The following FBXO38 variants were observed in gnomAD, a reference collection of about 807,000 sequenced individuals.
The protein encoded by FBXO38 is F-box only protein 38.
Under a neutral mutation model 131.9 loss-of-function variants are expected in FBXO38, and 53 were observed. The observed-to-expected ratio is 0.40, with a 90% CI of 0.32 to 0.51. FBXO38 has a LOEUF of 0.51. Among genes scored for constraint, FBXO38 ranks in the 20% least tolerant of loss-of-function variants. The pLI is 0.53. For synonymous variants in FBXO38, 452 were observed against 505.6 expected (o/e 0.89, Z 1.42); for missense variants, 1,076 against 1,475.6 (o/e 0.73, Z 4.44).
At chr5:148,402,214 G>A (rs1385811453) in intron 4 of FBXO38, 69 bp downstream of exon 4, 6 of 1,558,984 alleles carry the variant, frequency 3.8e-6, no homozygotes, top group South Asian at 1.2e-5. Context: ...AATGATAGAC[G>A]TGTTCACTCA....
rs564371199 is a variant in FBXO38 at position 148,402,196 on chromosome 5, G to A, written c.426+51G>A. 8.7e-5 allele frequency: 138 copies of A among 1,577,990 alleles called. No homozygotes were observed. The South Asian group carries it at 1.4e-3, about 16-fold the overall frequency. On this transcript the variant is annotated intron_variant, in intron 4 of 21. Coordinates refer to ENST00000340253, the MANE Select transcript of FBXO38 (RefSeq NM_205836.3). ...GGCATCAACTGTTTATGAAATAATA[G>A]ACCAAAGAATGATAGACGTGTTCAC...
chr5:148,411,352 T>C (rs1752741236), intron 9 of FBXO38, among the ~76,000 whole-genome samples: 1 of 152,226 alleles, frequency 6.6e-6, no homozygotes, highest in Non-Finnish European at 1.5e-5. Context: ...AATTCATTAC[T>C]CAAACTATTT....
intron 14 of FBXO38, 137 bp downstream of exon 14, chr5:148,425,838 G>C: frequency 1.4e-6 from 1 of 712,692 alleles, no homozygotes; most frequent in Admixed American, 2.9e-5. Flanking sequence ...ACTTGCCCAA[G>C]TAAGGGAAAT....
At chr5:148,393,855 A>T (rs1157076070) in intron 1 of FBXO38, among the ~76,000 whole-genome samples, 1 of 152,166 alleles carries the variant, frequency 6.6e-6, no homozygotes, top group African/African-American at 2.4e-5. Context: ...TTATTAAAAT[A>T]TTCCTAGACA....
chr5:148,394,770 C>T lies in FBXO38; in HGVS notation c.-7C>T, dbSNP rs770533489. ...ATTTTCTCGTTGATACTGGAGACTG[C>T]ACAACAATGGGGCCACGAAAGAAAA... On this transcript the variant is annotated 5_prime_UTR_variant, in exon 2 of 22. Coordinates refer to ENST00000340253, the MANE Select transcript of FBXO38 (RefSeq NM_205836.3). 2 of 1,552,506 alleles carry T rather than the reference C, an allele frequency of 1.3e-6. No homozygotes were observed. Among genetic ancestry groups the T allele is most frequent in the Middle Eastern group, 1.7e-4 (1 of 5,792 alleles).
chr5:148,388,277 C>A (rs932444312), intron 1 of FBXO38, among the ~76,000 whole-genome samples: 2 of 152,114 alleles, frequency 1.3e-5, no homozygotes, highest in Admixed American at 1.3e-4. Flanking sequence ...AGAGCACAGG[C>A]AGAGTAGATT....
At chr5:148,437,669 A>C (rs980753882) in intron 17 of FBXO38, among the ~76,000 whole-genome samples, 1 of 152,222 alleles carries the variant, frequency 6.6e-6, no homozygotes, top group African/African-American at 2.4e-5. Context: ...ATTTTTCTGA[A>C]GTTGATATAC....
intron 15 of FBXO38, among the ~76,000 whole-genome samples, chr5:148,432,146 A>C (rs752162885): frequency 7.2e-5 from 11 of 152,228 alleles, no homozygotes; most frequent in Non-Finnish European, 1.5e-4. Context: ...TAGCAGTACT[A>C]TCTAAAAAAG....
rs535532743 is a variant in FBXO38, at chr5:148,410,451, C to T, written c.963-184C>T. The T allele has an allele frequency of 7.7e-6, 5 of 650,760 alleles. No homozygotes were observed. The South Asian group carries it at 1.1e-4, about 14-fold the overall frequency. The allele number at this position is 650,760 out of a possible 1,614,324, so 40.3% of individuals were successfully genotyped here. On this transcript the variant is annotated intron_variant, in intron 8 of 21. Transcript: ENST00000340253. ...GTGACTTGCTCCTTTTTGCCTTCAG[C>T]CATGTTCGTGAGGCCTCCCCAGCCA...
At chr5:148,404,662 T>C (rs777069605) in intron 5 of FBXO38, 23 bp from the exon 6 acceptor site, 2 of 1,515,016 alleles carry the variant, frequency 1.3e-6, no homozygotes, top group Non-Finnish European at 1.8e-6. Flanking sequence ...TCTTGTTTGT[T>C]CTTTTTTATA....
At chr5:148,439,886 A>G in intron 19 of FBXO38, 94 bp downstream of exon 19, 1 of 1,266,180 alleles carries the variant, frequency 7.9e-7, no homozygotes, top group Non-Finnish European at 1.1e-6. Context: ...ATTTTAAATG[A>G]TTCCATCTAA....
intron 8 of FBXO38, 41 bp downstream of exon 8, chr5:148,409,258 A>G: frequency 7.6e-7 from 1 of 1,315,248 alleles, no homozygotes; most frequent in Non-Finnish European, 1.1e-6. Context: ...CTTTAGAAGT[A>G]ATTATGTTTT....
chr5:148,388,929 C>G (rs1758054590), intron 1 of FBXO38, among the ~76,000 whole-genome samples: 1 of 152,250 alleles, frequency 6.6e-6, no homozygotes, highest in Admixed American at 6.5e-5. Flanking sequence ...GACTTCCTCA[C>G]TAAGGTTAGT....
At chr5:148,404,058 A>G (rs1035535817) in intron 5 of FBXO38, among the ~76,000 whole-genome samples, 1 of 152,148 alleles carries the variant, frequency 6.6e-6, no homozygotes, top group Admixed American at 6.5e-5. Flanking sequence ...TACCTTTACC[A>G]ATTTGAAATT....
intron 14 of FBXO38, among the ~76,000 whole-genome samples, chr5:148,426,287 A>G (rs1282792745): frequency 6.6e-6 from 1 of 152,152 alleles, no homozygotes; most frequent in East Asian, 1.9e-4. Flanking sequence ...TTAGCAAAAG[A>G]TGGATATTTT....
chr5:148,412,567 A>G (rs1240387896), intron 9 of FBXO38, among the ~76,000 whole-genome samples: 1 of 152,146 alleles, frequency 6.6e-6, no homozygotes, highest in East Asian at 1.9e-4. Context: ...TTTATATAAT[A>G]CTGATAGAGA....
At chr5:148,429,491 GTCT>G (rs1357878862) in intron 15 of FBXO38, among the ~76,000 whole-genome samples, 6 of 152,134 alleles carry the variant, frequency 3.9e-5, no homozygotes, top group East Asian at 1.9e-4. Flanking sequence ...CTGGTGCTCT[GTCT>G]TCTTTCATTA....
intron 1 of FBXO38, among the ~76,000 whole-genome samples, chr5:148,391,062 T>C (rs1229257339): frequency 6.6e-6 from 1 of 152,234 alleles, no homozygotes; most frequent in Non-Finnish European, 1.5e-5. Context: ...TCTTTGCTGG[T>C]TAATCGTCCT....
chr5:148,399,873 C>T (rs78296458), intron 3 of FBXO38, among the ~76,000 whole-genome samples: 4,480 of 151,416 alleles, frequency 0.03, 210 homozygotes, highest in African/African-American at 0.1. Flanking sequence ...CTATGATGTC[C>T]AGATTATGAG....
Sources: gnomAD v4.1 joint callset for allele counts (sites outside exome capture counted in the v4.1 genomes callset) on GRCh38, gnomAD v4.1.1 for gene constraint, MANE v1.5 for transcripts, NCBI Gene and HGNC (gene_info 2026-07-23, HGNC 2026-07-21) for gene names.